The following DPP10 variants were observed in gnomAD, a reference collection of about 807,000 sequenced individuals.
The protein encoded by DPP10 is dipeptidyl peptidase like 10, also known as inactive dipeptidyl peptidase 10.
In DPP10, 33 loss-of-function variants were observed where a neutral mutation model predicts 120.9. The ratio of observed to expected loss-of-function variants is 0.27; its 90% CI spans 0.21 to 0.37. DPP10 has a LOEUF of 0.37. Ranked by LOEUF, DPP10 falls within the 10% of genes least tolerant of loss-of-function variation. The pLI, the probability that DPP10 is intolerant of heterozygous loss-of-function variation, is 1.00. For missense variants in DPP10, 816 were observed against 942.8 expected, an observed-to-expected ratio of 0.87 and a Z score of 1.76; for synonymous variants, 337 against 326.1, an observed-to-expected ratio of 1.03 and a Z score of -0.36.
chr2:115,477,702 A>G (rs886909852), intron 3 of DPP10, among the ~76,000 whole-genome samples: 1 of 152,282 alleles, frequency 6.6e-6, no homozygotes, highest in African/African-American at 2.4e-5. Flanking sequence ...ACAATCCTCA[A>G]TATAGAATAA....
chr2:115,174,121 A>G (rs905430207), intron 1 of DPP10, among the ~76,000 whole-genome samples: 5 of 152,220 alleles, frequency 3.3e-5, no homozygotes, highest in Non-Finnish European at 7.3e-5. Context: ...TATAGATTCT[A>G]TCTGAAAGCA....
intron 5 of DPP10, among the ~76,000 whole-genome samples, chr2:115,541,478 G>A (rs72961521): frequency 0.21 from 31,204 of 151,664 alleles, 4,427 homozygotes; most frequent in African/African-American, 0.39. Flanking sequence ...GTTGGGGTGT[G>A]TGTATCTGTG....
intron 1 of DPP10, among the ~76,000 whole-genome samples, chr2:114,549,192 T>C (rs1687665531): frequency 1.3e-5 from 2 of 151,718 alleles, no homozygotes; most frequent in African/African-American, 4.9e-5. Flanking sequence ...GCTGGCCCCA[T>C]GCACTCACTG....
At chr2:115,537,694 G>A (rs2078939377) in intron 5 of DPP10, among the ~76,000 whole-genome samples, 1 of 151,222 alleles carries the variant, frequency 6.6e-6, no homozygotes, top group East Asian at 2.0e-4. Context: ...TAATAATGAC[G>A]CACATCTGCC....
chr2:114,475,621 A>G (rs1241027027), intron 1 of DPP10, among the ~76,000 whole-genome samples: 1 of 152,174 alleles, frequency 6.6e-6, no homozygotes, highest in African/African-American at 2.4e-5. Context: ...CTGAATATTA[A>G]CATTTTTTAA....
At chr2:115,546,198 G>A (rs565587948) in intron 5 of DPP10, among the ~76,000 whole-genome samples, 3 of 152,154 alleles carry the variant, frequency 2.0e-5, no homozygotes, top group African/African-American at 7.2e-5. Flanking sequence ...ATCTATCAAA[G>A]GTAGAACAGC....
At chr2:114,919,697 A>G (rs2106636257) in intron 1 of DPP10, among the ~76,000 whole-genome samples, 1 of 152,300 alleles carries the variant, frequency 6.6e-6, no homozygotes, top group East Asian at 1.9e-4. Context: ...AAACACCTCA[A>G]TATTTCACTG....
intron 1 of DPP10, among the ~76,000 whole-genome samples, chr2:114,928,785 T>C: frequency 6.6e-6 from 1 of 152,122 alleles, no homozygotes; most frequent in Non-Finnish European, 1.5e-5. Flanking sequence ...CCTCCAAGCT[T>C]TCACCACTCT....
chr2:115,424,508 T>A (rs1013749053), intron 3 of DPP10, among the ~76,000 whole-genome samples: 20 of 152,054 alleles, frequency 1.3e-4, no homozygotes, highest in African/African-American at 3.9e-4. Flanking sequence ...TCAAATTTTT[T>A]AAAAAAATAA....
intron 2 of DPP10, among the ~76,000 whole-genome samples, chr2:115,341,811 T>C (rs1168751015): frequency 6.6e-6 from 1 of 152,156 alleles, no homozygotes; most frequent in Non-Finnish European, 1.5e-5. Context: ...TAATAACTCA[T>C]TAAAAAAATG....
At chr2:115,539,084 A>G (rs749057246) in intron 5 of DPP10, among the ~76,000 whole-genome samples, 92 of 151,902 alleles carry the variant, frequency 6.1e-4, no homozygotes, top group Non-Finnish European at 1.1e-3. Context: ...CGGTGGATAC[A>G]GGAGGTGGAT....
chr2:115,640,387 A>G (rs985372361), intron 5 of DPP10, among the ~76,000 whole-genome samples: 3 of 150,622 alleles, frequency 2.0e-5, no homozygotes, highest in Non-Finnish European at 4.4e-5. Context: ...TACAACTACT[A>G]TGACCTCTTC....
chr2:115,348,710 A>T (rs1335603468), intron 3 of DPP10, among the ~76,000 whole-genome samples: 1 of 151,788 alleles, frequency 6.6e-6, no homozygotes, highest in Non-Finnish European at 1.5e-5. Context: ...ATCATTTGAT[A>T]AAAAAAAGTT....
chr2:115,713,492 A>G (rs770278870), intron 7 of DPP10, among the ~76,000 whole-genome samples: 1 of 152,234 alleles, frequency 6.6e-6, no homozygotes, highest in Non-Finnish European at 1.5e-5. Flanking sequence ...ACAGGAATAC[A>G]TGACATGAAA....
chr2:114,632,675 G>A (rs548646940), intron 1 of DPP10, among the ~76,000 whole-genome samples: 3 of 151,692 alleles, frequency 2.0e-5, no homozygotes, highest in Non-Finnish European at 4.4e-5. Flanking sequence ...ACCATGCCCA[G>A]CTAATTTTTT....
At chr2:114,697,667 T>G (rs575534477) in intron 1 of DPP10, among the ~76,000 whole-genome samples, 184 of 150,962 alleles carry the variant, frequency 1.2e-3, no homozygotes, top group African/African-American at 4.4e-3. Flanking sequence ...GGAGAATTGC[T>G]TGAACCCAGG....
At chr2:115,118,897 G>T (rs1030548061) in intron 1 of DPP10, among the ~76,000 whole-genome samples, 2 of 152,066 alleles carry the variant, frequency 1.3e-5, no homozygotes, top group African/African-American at 2.4e-5. Flanking sequence ...TTACAGGTGT[G>T]AGCCACCGCG....
At chr2:115,810,793 C>A (rs1240969145) in intron 19 of DPP10, among the ~76,000 whole-genome samples, 1 of 152,078 alleles carries the variant, frequency 6.6e-6, no homozygotes, top group African/African-American at 2.4e-5. Flanking sequence ...ACTGTGAATC[C>A]CCAAAGATTT....
At chr2:115,372,926 A>G (rs2065517147) in intron 3 of DPP10, among the ~76,000 whole-genome samples, 1 of 152,200 alleles carries the variant, frequency 6.6e-6, no homozygotes, top group Admixed American at 6.5e-5. Context: ...CATAATATCT[A>G]CCTTCCCTCA....
Sources: allele counts gnomAD v4.1 joint callset (sites outside exome capture counted in the v4.1 genomes callset), GRCh38; gene constraint gnomAD v4.1.1; transcripts MANE v1.5; gene names NCBI Gene and HGNC (gene_info 2026-07-23, HGNC 2026-07-21).